The following MFHAS1 variants were observed in gnomAD, a reference collection of about 807,000 sequenced individuals.
MFHAS1 encodes the protein multifunctional ROCO family signaling regulator 1.
MFHAS1 carries 50 observed loss-of-function variants against 70.4 expected under a neutral mutation model. That is an observed-to-expected ratio of 0.71 (90% CI 0.57 to 0.90). The LOEUF is 0.90. MFHAS1 is among the 40% of genes least tolerant of loss of function. The probability of loss-of-function intolerance (pLI) is 0.00; values close to 1 mark genes in which losing one functional copy is unlikely to be tolerated. For synonymous variants in MFHAS1, 952 were observed against 620.0 expected (o/e 1.54, Z -7.96); for missense variants, 1,795 against 1,347.6 (o/e 1.33, Z -5.20).
chr8:8,864,320 C>T (rs1287678636), intron 1 of MFHAS1, among the ~76,000 whole-genome samples: 1 of 152,220 alleles, frequency 6.6e-6, no homozygotes, highest in Admixed American at 6.5e-5. Context: ...ATGAGGGCCG[C>T]CCACTGCACG....
chr8:8,794,315 G>C (rs562476854), intron 2 of MFHAS1, among the ~76,000 whole-genome samples: 2 of 152,286 alleles, frequency 1.3e-5, no homozygotes, highest in East Asian at 3.9e-4. Flanking sequence ...CAAGTCTCAG[G>C]CTCAGGCCCA....
chr8:8,876,757 C>T (rs146167257), intron 1 of MFHAS1, among the ~76,000 whole-genome samples: 343 of 151,986 alleles, frequency 2.3e-3, no homozygotes, highest in African/African-American at 7.9e-3. Context: ...CTGTATTCCA[C>T]CTCTTCTATG....
chr8:8,828,818 G>C (rs1037830215), intron 1 of MFHAS1, among the ~76,000 whole-genome samples: 18 of 152,110 alleles, frequency 1.2e-4, no homozygotes, highest in African/African-American at 3.4e-4. Context: ...AGAACTGAGG[G>C]GACAGGATTT....
rs1808005493 is a variant in MFHAS1, at chr8:8,845,637, A to G, written c.2998+44424T>C. On this transcript the variant is annotated intron_variant, in intron 1 of 2. Coordinates refer to ENST00000276282, the MANE Select transcript of MFHAS1 (RefSeq NM_004225.3). ...TTTATCCTGAATTTTCCTTTTTTTGACTTAATATTTCCCTATCTTAAGCTT... is the reference window on the plus strand; with the variant it reads ...TTTATCCTGAATTTTCCTTTTTTTGGCTTAATATTTCCCTATCTTAAGCTT... Among the ~76,000 whole-genome samples the G allele has an allele frequency of 3.3e-5, 5 of 151,982 alleles. No homozygotes were observed. In the South Asian group the frequency reaches 1.0e-3, roughly 32 times the overall value.
At chr8:8,883,771 T>C (rs973017757) in intron 1 of MFHAS1, among the ~76,000 whole-genome samples, 2 of 144,758 alleles carry the variant, frequency 1.4e-5, no homozygotes, top group Admixed American at 1.4e-4. Context: ...AATAGGTAGA[T>C]GAGAAGAAAA....
chr8:8,852,031 G>C (rs1008842677), intron 1 of MFHAS1, among the ~76,000 whole-genome samples: 6 of 152,172 alleles, frequency 3.9e-5, no homozygotes, highest in African/African-American at 7.2e-5. Context: ...TGGATACATA[G>C]GGAGTGGGTG....
In MFHAS1 at chr8:8,840,443, T is replaced by C. The variant is rs190283786; in HGVS notation, c.2999-42952A>G. On this transcript the variant is annotated intron_variant, in intron 1 of 2. Transcript: ENST00000276282. ...CTGCACTCTAGCCTGGGCCACAGAG[T>C]GAGACTCCATCTCAATACAAAAAAA... 1.6e-3 allele frequency among the ~76,000 whole-genome samples: 212 copies of C among 129,636 alleles called. 3 individuals are homozygous for C. The highest frequency in any genetic ancestry group is 2.3e-3 in the Admixed American group (24 of 10,350). The allele number at this position is 129,636 out of a possible 152,430, so 85.0% of individuals were successfully genotyped here. A position where few individuals can be genotyped will look rare whatever the true frequency, so the allele number is the denominator to read the frequency against.
At chr8:8,884,438 T>C (rs956839014) in intron 1 of MFHAS1, among the ~76,000 whole-genome samples, 9 of 152,194 alleles carry the variant, frequency 5.9e-5, no homozygotes, top group Non-Finnish European at 1.0e-4. Context: ...AACAACTAGG[T>C]CATGCTCAAA....
At chr8:8,846,335 G>C (rs1280282333) in intron 1 of MFHAS1, among the ~76,000 whole-genome samples, 2 of 124,464 alleles carry the variant, frequency 1.6e-5, no homozygotes, top group Non-Finnish European at 3.4e-5. Context: ...AGGAGTAGGA[G>C]GGGGAGGAGG....
chr8:8,841,824 G>A (rs1456851669), intron 1 of MFHAS1, among the ~76,000 whole-genome samples: 1 of 152,202 alleles, frequency 6.6e-6, no homozygotes, highest in Non-Finnish European at 1.5e-5. Context: ...TCGTATCCCA[G>A]AATAAGCCAC....
intron 1 of MFHAS1, among the ~76,000 whole-genome samples, chr8:8,839,299 C>T (rs1243939639): frequency 6.6e-6 from 1 of 152,102 alleles, no homozygotes; most frequent in African/African-American, 2.4e-5. Context: ...TCCACATCTT[C>T]ATCCAACATA....
At chr8:8,866,324 T>G (rs568779424) in intron 1 of MFHAS1, among the ~76,000 whole-genome samples, 3 of 151,572 alleles carry the variant, frequency 2.0e-5, no homozygotes, top group South Asian at 2.1e-4. Context: ...TTTTGTTTTT[T>G]TTTTTTTCTT....
At chr8:8,876,871 T>A (rs998928483) in intron 1 of MFHAS1, among the ~76,000 whole-genome samples, 1 of 151,744 alleles carries the variant, frequency 6.6e-6, no homozygotes, top group Non-Finnish European at 1.5e-5. Flanking sequence ...GAGGCAGAGG[T>A]TGCAGTGAGC....
At chr8:8,828,072 T>C (rs1243677697) in intron 1 of MFHAS1, among the ~76,000 whole-genome samples, 1 of 152,170 alleles carries the variant, frequency 6.6e-6, no homozygotes, top group African/African-American at 2.4e-5. Flanking sequence ...TTTCCCAATC[T>C]GGAGGCACAG....
At chr8:8,818,225 C>A (rs1237762193) in intron 1 of MFHAS1, among the ~76,000 whole-genome samples, 1 of 152,162 alleles carries the variant, frequency 6.6e-6, no homozygotes, top group Non-Finnish European at 1.5e-5. Context: ...GAACACAGCC[C>A]TTTGTGGTTG....
At chr8:8,875,106 G>C (rs1479231474) in intron 1 of MFHAS1, among the ~76,000 whole-genome samples, 2 of 152,236 alleles carry the variant, frequency 1.3e-5, no homozygotes, top group East Asian at 1.9e-4. Flanking sequence ...AGGAGGTACA[G>C]TGAAAAAGAT....
At chr8:8,815,321 G>T (rs944988222) in intron 1 of MFHAS1, among the ~76,000 whole-genome samples, 5 of 152,146 alleles carry the variant, frequency 3.3e-5, no homozygotes, top group Non-Finnish European at 7.3e-5. Context: ...GTGCTGCGAT[G>T]AACATACACA....
intron 1 of MFHAS1, among the ~76,000 whole-genome samples, chr8:8,803,746 C>A (rs1007176016): frequency 6.6e-6 from 1 of 151,970 alleles, no homozygotes; most frequent in Non-Finnish European, 1.5e-5. Context: ...CCGAGGCAGG[C>A]AAATCACCTG....
At chr8:8,807,063 A>T (rs1221427166) in intron 1 of MFHAS1, among the ~76,000 whole-genome samples, 2 of 152,076 alleles carry the variant, frequency 1.3e-5, no homozygotes, top group African/African-American at 4.8e-5. Flanking sequence ...TCCTCAAAAT[A>T]TGGCACCTGA....
Sources: allele counts gnomAD v4.1 joint callset (sites outside exome capture counted in the v4.1 genomes callset), GRCh38; gene constraint gnomAD v4.1.1; transcripts MANE v1.5; gene names NCBI Gene and HGNC (gene_info 2026-07-23, HGNC 2026-07-21).